The following BEND4 variants were observed in gnomAD, a reference collection of about 807,000 sequenced individuals.
BEND4 encodes the protein BEN domain-containing protein 4.
In BEND4, 27 loss-of-function variants were observed where a neutral mutation model predicts 54.7. That is an observed-to-expected ratio of 0.49 (90% CI 0.36 to 0.68). BEND4 has a LOEUF of 0.68. Among genes scored for constraint, BEND4 ranks in the 30% least tolerant of loss-of-function variants. BEND4 has a pLI of 0.00. For synonymous variants in BEND4, 327 were observed against 299.5 expected, an observed-to-expected ratio of 1.09 and a Z score of -0.95; for missense variants, 702 against 697.2, an observed-to-expected ratio of 1.01 and a Z score of -0.08.
chr4:42,151,901 C>T lies in BEND4; in HGVS notation c.243G>A (p.Gln81=). The change falls in exon 2 of 6, where the codon CAG becomes CAA. Residue 81 remains glutamine (Q), a synonymous_variant. Transcript: ENST00000502486. ...SSSEPPPQQF[Q]AQSSYPPGPG... is the part of the protein sequence containing the mutation. ...GCCCGGGGGGGTAGGAGCTCTGCGC[C>T]TGGAACTGCTGCGGCGGCGGCTCGC... 1 of 1,260,254 alleles carries T rather than the reference C, an allele frequency of 7.9e-7. No homozygotes were observed. Among genetic ancestry groups the T allele is most frequent in the Non-Finnish European group, 9.9e-7 (1 of 1,006,050 alleles). The allele number at this position is 1,260,254 out of a possible 1,614,324, so 78.1% of individuals were successfully genotyped here.
intron 3 of BEND4, among the ~76,000 whole-genome samples, chr4:42,141,602 G>A (rs986322533): frequency 2.6e-5 from 4 of 152,070 alleles, no homozygotes; most frequent in African/African-American, 4.8e-5. Context: ...TTAGCCAGGC[G>A]TGGTGGTGCA....
At position 42,143,520 on chromosome 4, in the gene BEND4, C is replaced by T; in HGVS notation, c.962G>A (p.Gly321Asp). ...PEEEEEEDEEGYCPRCQELEQ... is the reference protein window; with the variant it reads ...PEEEEEEDEEDYCPRCQELEQ... ...CAGCTCTTGGCATCGAGGACAATAG[C>T]CTTCCTCGTCCTCCTCCTCCTCCTC... Residue 321 changes from glycine (G) to aspartate (D), a missense_variant, in exon 3 of 6, where the codon GGC becomes GAC. Coordinates refer to ENST00000502486, the MANE Select transcript of BEND4 (RefSeq NM_207406.4). 6.4e-7 allele frequency: 1 copy of T among 1,553,328 alleles called. No homozygotes were observed. Among genetic ancestry groups the T allele is most frequent in the Non-Finnish European group, 8.7e-7 (1 of 1,147,696 alleles).
At chr4:42,118,941 A>G (rs1242812682) in intron 5 of BEND4, among the ~76,000 whole-genome samples, 1 of 152,218 alleles carries the variant, frequency 6.6e-6, no homozygotes, top group Non-Finnish European at 1.5e-5. Flanking sequence ...TAGTAAATAC[A>G]GGCATTTTCG....
chr4:42,145,785 C>T (rs995972904), intron 2 of BEND4, among the ~76,000 whole-genome samples: 2 of 152,170 alleles, frequency 1.3e-5, no homozygotes, highest in African/African-American at 4.8e-5. Context: ...TCCTGAATCC[C>T]GCTGAAAAAC....
chr4:42,151,806 A>C lies in BEND4; in HGVS notation c.338T>G (p.Leu113Trp). The change falls in exon 2 of 6, where the codon TTG becomes TGG. Residue 113 changes from leucine to tryptophan, a missense_variant. Leu to Trp is a moderately conservative substitution (Grantham distance 61). Coordinates refer to ENST00000502486, the MANE Select transcript of BEND4 (RefSeq NM_207406.4). ...GGGCGGCGGCTGCGCCGGAGTCCTC[A>C]AGTGGCCCTGGGATGTGGCGGGCGT... Reference protein sequence around the residue: ...SCTPATSQGHLRTPAQPPPAS... With the variant: ...SCTPATSQGHWRTPAQPPPAS... 1 of 1,475,792 alleles carries C rather than the reference A, an allele frequency of 6.8e-7. No homozygotes were observed. The highest frequency in any genetic ancestry group is 8.9e-7 in the Non-Finnish European group (1 of 1,122,206). The allele number at this position is 1,475,792 out of a possible 1,614,324, so 91.4% of individuals were successfully genotyped here.
Position 42,147,225 on chromosome 4 carries a change from T to C in BEND4, c.488-3231A>G, listed in dbSNP as rs182799722. Among the ~76,000 whole-genome samples the C allele has an allele frequency of 3.5e-3, 533 of 152,262 alleles. 4 individuals carry two copies. The highest frequency in any genetic ancestry group is 2.5e-3 in the East Asian group (13 of 5,188). On this transcript the variant is annotated intron_variant, in intron 2 of 5. Transcript: ENST00000502486. ...GAATTATTTGAATATTATTTTAACATTGATACATGGAAGATTGTGATGAAA... is the reference window on the plus strand; with the variant it reads ...GAATTATTTGAATATTATTTTAACACTGATACATGGAAGATTGTGATGAAA...
At chr4:42,142,049 AC>A (rs1206846748) in intron 3 of BEND4, among the ~76,000 whole-genome samples, 18 of 151,560 alleles carry the variant, frequency 1.2e-4, no homozygotes, top group African/African-American at 4.1e-4. Flanking sequence ...GACTACAGGC[AC>A]CTGCCACCAT....
intron 3 of BEND4, among the ~76,000 whole-genome samples, chr4:42,130,676 C>T (rs554727876): frequency 7.9e-5 from 12 of 152,132 alleles, no homozygotes; most frequent in South Asian, 4.2e-4. Context: ...AGACCTAGAA[C>T]GAGAAATACC....
Position 42,115,653 on chromosome 4 carries a change from A to G in BEND4, c.*1865T>C, listed in dbSNP as rs374141731. On this transcript the variant is annotated 3_prime_UTR_variant, in exon 6 of 6. Coordinates refer to ENST00000502486, the MANE Select transcript of BEND4 (RefSeq NM_207406.4). ...TTCTAGCGAAGATGTCATGTTGTCA[A>G]AGAATCTTATAAGACAGACACTGAC... is the stretch of plus-strand genomic sequence containing the variant. The G allele has an allele frequency of 3.7e-4, 56 of 152,356 alleles. No homozygotes were observed. Among genetic ancestry groups the G allele is most frequent in the African/African-American group, 1.2e-3 (48 of 41,584 alleles). The allele number at this position is 152,356 out of a possible 1,614,324, so 9.4% of individuals were successfully genotyped here. A position where few individuals can be genotyped will look rare whatever the true frequency, so the allele number is the denominator to read the frequency against.
rs1719580192 is a variant in BEND4, at chr4:42,111,774, G to A, written c.*5744C>T. On this transcript the variant is annotated 3_prime_UTR_variant, in exon 6 of 6. Transcript: ENST00000502486. ...TGAACGTTGGCTACCTGATGCCCCG[G>A]TGCTATTTCTAACATCTAGGAGTTC... 6.6e-6 allele frequency: 1 copy of A among 152,178 alleles called. No homozygotes were observed. The highest frequency in any genetic ancestry group is 2.4e-5 in the African/African-American group (1 of 41,438). 9.4% of individuals were successfully genotyped at this position (152,178 alleles called of 1,614,324 possible). A position where few individuals can be genotyped will look rare whatever the true frequency, so the allele number is the denominator to read the frequency against.
Position 42,114,346 on chromosome 4 carries a change from T to C in BEND4, c.*3172A>G, listed in dbSNP as rs1719710852. ...GAAAACACAGGACAGTTGTCACTTT[T>C]TGTAGGTATGGCTCTTCTGCTTATG... is the stretch of plus-strand genomic sequence containing the variant. On this transcript the variant is annotated 3_prime_UTR_variant, in exon 6 of 6. Transcript: ENST00000502486. 6.6e-6 allele frequency: 1 copy of C among 152,288 alleles called. No homozygotes were observed. The highest frequency in any genetic ancestry group is 1.5e-5 in the Non-Finnish European group (1 of 68,018). The allele number at this position is 152,288 out of a possible 1,614,324, so 9.4% of individuals were successfully genotyped here.
At chr4:42,131,789 T>G (rs1720516098) in intron 3 of BEND4, among the ~76,000 whole-genome samples, 1 of 151,408 alleles carries the variant, frequency 6.6e-6, no homozygotes, top group African/African-American at 2.4e-5. Context: ...TTTGGTCAAT[T>G]GTTAAAAAAA....
rs1043277033 is a variant in BEND4 at position 42,151,900 on chromosome 4, C to G, written c.244G>C (p.Ala82Pro). The G allele has an allele frequency of 3.2e-6, 4 of 1,268,406 alleles. No individual in the cohort carries two copies. The African/African-American group carries it at 6.3e-5, about 20-fold the overall frequency. 78.6% of individuals were successfully genotyped at this position (1,268,406 alleles called of 1,614,324 possible). Reference protein sequence around the residue: ...SSEPPPQQFQAQSSYPPGPGR... With the variant: ...SSEPPPQQFQPQSSYPPGPGR... Reference sequence around the variant, plus strand: ...GGCCCGGGGGGGTAGGAGCTCTGCGCCTGGAACTGCTGCGGCGGCGGCTCG... The same window carrying G: ...GGCCCGGGGGGGTAGGAGCTCTGCGGCTGGAACTGCTGCGGCGGCGGCTCG... The change falls in exon 2 of 6, where the codon GCG becomes CCG. Residue 82 changes from alanine (A) to proline (P), a missense_variant. Coordinates refer to ENST00000502486, the MANE Select transcript of BEND4 (RefSeq NM_207406.4).
rs542536656 is a variant in BEND4, at chr4:42,127,277, C to T, written c.1055-1603G>A. Among the ~76,000 whole-genome samples the T allele has an allele frequency of 9.2e-5, 14 of 152,310 alleles. No individual in the cohort carries two copies. In the South Asian group the frequency reaches 2.9e-3, roughly 32 times the overall value. On this transcript the variant is annotated intron_variant, in intron 3 of 5. Coordinates refer to ENST00000502486, the MANE Select transcript of BEND4 (RefSeq NM_207406.4). Reference sequence around the variant, plus strand: ...AAGAAGTATTTTCTTAAATAGTCATCATTCTTACAGACCTGGGCTGTGGCC... The same window carrying T: ...AAGAAGTATTTTCTTAAATAGTCATTATTCTTACAGACCTGGGCTGTGGCC...
chr4:42,148,616 A>G (rs1321472707), intron 2 of BEND4, among the ~76,000 whole-genome samples: 1 of 152,022 alleles, frequency 6.6e-6, no homozygotes, highest in Non-Finnish European at 1.5e-5. Flanking sequence ...GTGTAGATTT[A>G]TGAATATTTA....
Position 42,120,234 on chromosome 4 carries a change from C to A in BEND4, c.1207G>T (p.Ala403Ser), listed in dbSNP as rs1322499720. ...CCATCTTTCTTTGAAGAATTTACAG[C>A]CTCATCCCACTGTTTGCTCGTTATG... is the stretch of plus-strand genomic sequence containing the variant. ...VYITSKQWDEAVNSSKKDGRR... is the reference protein window; with the variant it reads ...VYITSKQWDESVNSSKKDGRR... The change falls in exon 5 of 6, where the codon GCT becomes TCT. Residue 403 changes from alanine to serine, a missense_variant. Transcript: ENST00000502486. 1 of 1,613,776 alleles carries A rather than the reference C, an allele frequency of 6.2e-7. No homozygotes were observed. Among genetic ancestry groups the A allele is most frequent in the East Asian group, 2.2e-5 (1 of 44,872 alleles).
intron 2 of BEND4, among the ~76,000 whole-genome samples, chr4:42,150,534 G>A (rs967066180): frequency 6.6e-6 from 1 of 152,192 alleles, no homozygotes; most frequent in Non-Finnish European, 1.5e-5. Flanking sequence ...TTCCACAGGA[G>A]AAAAAAATAA....
At position 42,113,159 on chromosome 4, in the gene BEND4, G is replaced by A. The variant is rs914606357; in HGVS notation, c.*4359C>T. 1.3e-5 allele frequency: 2 copies of A among 152,168 alleles called. No homozygotes were observed. The highest frequency in any genetic ancestry group is 4.8e-5 in the African/African-American group (2 of 41,444). 9.4% of individuals were successfully genotyped at this position (152,168 alleles called of 1,614,324 possible). ...CACCAGCAAGACTTGCACCATATGTGCAAAATCATTTTCTATTACATTTCT... is the reference window on the plus strand; with the variant it reads ...CACCAGCAAGACTTGCACCATATGTACAAAATCATTTTCTATTACATTTCT... On this transcript the variant is annotated 3_prime_UTR_variant, in exon 6 of 6. Coordinates refer to ENST00000502486, the MANE Select transcript of BEND4 (RefSeq NM_207406.4).
intron 3 of BEND4, among the ~76,000 whole-genome samples, chr4:42,143,186 C>T (rs1043698821): frequency 4.6e-5 from 7 of 152,162 alleles, no homozygotes; most frequent in African/African-American, 1.7e-4. Flanking sequence ...CACAAGAACA[C>T]GGTGGCTGGA....
Sources: gnomAD v4.1 joint callset for allele counts (sites outside exome capture counted in the v4.1 genomes callset) on GRCh38, gnomAD v4.1.1 for gene constraint, MANE v1.5 for transcripts, NCBI Gene and HGNC (gene_info 2026-07-23, HGNC 2026-07-21) for gene names.